SH3KBP1: variants seen among roughly 807,000 people sequenced by gnomAD.
The protein encoded by SH3KBP1 is SH3 domain containing kinase binding protein 1.
A neutral mutation model predicts 50.1 loss-of-function variants in SH3KBP1; 8 were observed. That is an observed-to-expected ratio of 0.16 (90% CI 0.09 to 0.29). SH3KBP1 has a LOEUF of 0.29. SH3KBP1 is among the 10% of genes least tolerant of loss of function. The probability of loss-of-function intolerance (pLI) is 1.00; values close to 1 mark genes in which losing one functional copy is unlikely to be tolerated. For missense variants in SH3KBP1, 377 were observed against 535.2 expected (o/e 0.70, Z 2.92); for synonymous variants, 227 against 218.6 (o/e 1.04, Z -0.34).
chrX:19,559,026 G>A (rs1196323416), intron 13 of SH3KBP1, among the ~76,000 whole-genome samples: 1 of 109,506 alleles, frequency 9.1e-6, no homozygotes, highest in Non-Finnish European at 1.9e-5. Flanking sequence ...CCAGCACATT[G>A]GGAGGTCGAG....
At position 19,631,829 on chromosome X, in the gene SH3KBP1, C is replaced by G. The variant is rs751601175; in HGVS notation, c.897+35G>C. 3.1e-5 allele frequency: 30 copies of G among 970,969 alleles called. 1 individual carries two copies. In the South Asian group the frequency reaches 5.8e-4, roughly 19 times the overall value. 80.0% of individuals were successfully genotyped at this position (970,969 alleles called of 1,213,427 possible). A position where few individuals can be genotyped will look rare whatever the true frequency, so the allele number is the denominator to read the frequency against. Reference sequence around the variant, plus strand: ...GTCCAGTCAACACCCCAAAGCAGTTCGCGATTTAGAAGGTAGGAGACAACC... The same window carrying G: ...GTCCAGTCAACACCCCAAAGCAGTTGGCGATTTAGAAGGTAGGAGACAACC... On this transcript the variant is annotated intron_variant, in intron 8 of 17. Coordinates refer to ENST00000397821, the MANE Select transcript of SH3KBP1 (RefSeq NM_031892.3).
At chrX:19,630,112 G>A (rs1164663832) in intron 8 of SH3KBP1, among the ~76,000 whole-genome samples, 2 of 112,292 alleles carry the variant, frequency 1.8e-5, no homozygotes, top group Admixed American at 1.9e-4. Flanking sequence ...AATAGAAACA[G>A]ATGTGTGTCT....
intron 6 of SH3KBP1, among the ~76,000 whole-genome samples, chrX:19,659,043 C>A (rs1569393951): frequency 9.3e-6 from 1 of 107,917 alleles, no homozygotes; most frequent in Admixed American, 1.0e-4. Context: ...GCAGCCTTGA[C>A]CTCCTGGGCT....
At position 19,640,488 on chromosome X, in the gene SH3KBP1, CT is replaced by C. The variant is rs752769114; in HGVS notation, c.802+4911del. Among the ~76,000 whole-genome samples, 671 of 100,250 alleles carry C rather than the reference CT, an allele frequency of 6.7e-3. 1 individual carries two copies. Among genetic ancestry groups the C allele is most frequent in the East Asian group, 0.011 (37 of 3,247 alleles). 87.1% of individuals were successfully genotyped at this position (100,250 alleles called of 115,157 possible). On this transcript the variant is annotated intron_variant, in intron 7 of 17. Coordinates refer to ENST00000397821, the MANE Select transcript of SH3KBP1 (RefSeq NM_031892.3). ...CACCCCTTCTCAAAATCTGCAACGA[CT>C]TTTTTTTTTTTTTTAATTTTGCTTT...
intron 12 of SH3KBP1, among the ~76,000 whole-genome samples, chrX:19,575,696 T>C (rs1211169148): frequency 1.8e-5 from 2 of 112,409 alleles, no homozygotes; most frequent in African/African-American, 3.2e-5. Flanking sequence ...AGCTGGTGTT[T>C]TGACAGTGTT....
At chrX:19,723,875 G>A (rs958585069) in intron 3 of SH3KBP1, among the ~76,000 whole-genome samples, 1 of 111,089 alleles carries the variant, frequency 9.0e-6, no homozygotes, top group Non-Finnish European at 1.9e-5. Context: ...TCCCCTCTTG[G>A]TGGGGTGGGG....
At chrX:19,864,383 GGAAT>G (rs1410938504) in intron 1 of SH3KBP1, among the ~76,000 whole-genome samples, 1 of 111,601 alleles carries the variant, frequency 9.0e-6, no homozygotes, top group Non-Finnish European at 1.9e-5. Flanking sequence ...AGTTGCAGAT[GGAAT>G]TAAGGTTGCT....
chrX:19,672,004 G>A (rs2062809375), intron 6 of SH3KBP1, among the ~76,000 whole-genome samples: 1 of 111,852 alleles, frequency 8.9e-6, no homozygotes. Flanking sequence ...TTAACTGCCT[G>A]CACTGTATCT....
At chrX:19,866,379 T>C (rs1484282567) in intron 1 of SH3KBP1, among the ~76,000 whole-genome samples, 1 of 111,608 alleles carries the variant, frequency 9.0e-6, no homozygotes, top group Admixed American at 9.5e-5. Flanking sequence ...ATCATATAAA[T>C]GGGTCTTTTC....
At chrX:19,799,117 C>T (rs2066816009) in intron 2 of SH3KBP1, among the ~76,000 whole-genome samples, 1 of 109,607 alleles carries the variant, frequency 9.1e-6, no homozygotes, top group East Asian at 2.9e-4. Context: ...TATTTCTTCA[C>T]ACTACAGGAA....
At chrX:19,657,980 G>A (rs5955832) in intron 6 of SH3KBP1, among the ~76,000 whole-genome samples, 3,796 of 110,467 alleles carry the variant, frequency 0.034, 152 homozygotes, top group African/African-American at 0.11. Context: ...AAGTTCTGGA[G>A]ATGGATGGTG....
intron 15 of SH3KBP1, among the ~76,000 whole-genome samples, chrX:19,543,227 G>A (rs985068310): frequency 1.2e-4 from 13 of 111,803 alleles, no homozygotes; most frequent in African/African-American, 2.9e-4. Flanking sequence ...TGCAGAGGGT[G>A]GAGGAGGAAG....
At chrX:19,704,523 T>C (rs771159818) in intron 4 of SH3KBP1, among the ~76,000 whole-genome samples, 6 of 112,895 alleles carry the variant, frequency 5.3e-5, no homozygotes, top group South Asian at 7.3e-4. Flanking sequence ...CACAAGCATA[T>C]AGATATATTT....
intron 3 of SH3KBP1, among the ~76,000 whole-genome samples, chrX:19,744,575 T>C (rs979443943): frequency 8.9e-6 from 1 of 112,101 alleles, no homozygotes; most frequent in Non-Finnish European, 1.9e-5. Flanking sequence ...AATGCCTCCA[T>C]GTACTCAGGT....
In SH3KBP1 at chrX:19,608,340, A is replaced by T. The variant is rs1426038643; in HGVS notation, c.898-295T>A. Among the ~76,000 whole-genome samples the T allele has an allele frequency of 4.7e-5, 4 of 85,363 alleles. No individual in the cohort carries two copies. In the East Asian group the frequency reaches 1.4e-3, roughly 29 times the overall value. The allele number at this position is 85,363 out of a possible 115,157, so 74.1% of individuals were successfully genotyped here. A position where few individuals can be genotyped will look rare whatever the true frequency, so the allele number is the denominator to read the frequency against. On this transcript the variant is annotated intron_variant, in intron 8 of 17. Transcript: ENST00000397821. Reference sequence around the variant, plus strand: ...TTTTTTTTTTTTGAGACAGGGTCTCACTCTGTCGCCCAGGCTGGAGTGCAG... The same window carrying T: ...TTTTTTTTTTTTGAGACAGGGTCTCTCTCTGTCGCCCAGGCTGGAGTGCAG...
At chrX:19,692,669 G>A (rs370614415) in intron 5 of SH3KBP1, among the ~76,000 whole-genome samples, 13,257 of 75,762 alleles carry the variant, frequency 0.17, 1,232 homozygotes, top group African/African-American at 0.33. Flanking sequence ...GTGTGTGTGT[G>A]TATGTATATA....
intron 2 of SH3KBP1, among the ~76,000 whole-genome samples, chrX:19,824,127 A>T (rs2067605997): frequency 8.9e-6 from 1 of 112,105 alleles, no homozygotes; most frequent in Non-Finnish European, 1.9e-5. Context: ...GCCAGAATGT[A>T]TTAATTCTAA....
chrX:19,659,109 A>ATT (rs147804094), intron 6 of SH3KBP1, among the ~76,000 whole-genome samples: 1,173 of 57,315 alleles, frequency 0.02, 47 homozygotes, highest in African/African-American at 0.063. Flanking sequence ...TGCCCAGCTA[A>ATT]TTTTTTTTTT....
At chrX:19,571,192 G>A (rs2065996262) in intron 12 of SH3KBP1, among the ~76,000 whole-genome samples, 2 of 112,394 alleles carry the variant, frequency 1.8e-5, no homozygotes, top group African/African-American at 3.2e-5. Context: ...TGTCCTGGGA[G>A]TGTGTGCTAT....
Sources: gnomAD v4.1 joint callset for allele counts (sites outside exome capture counted in the v4.1 genomes callset) on GRCh38, gnomAD v4.1.1 for gene constraint, MANE v1.5 for transcripts, NCBI Gene and HGNC (gene_info 2026-07-23, HGNC 2026-07-21) for gene names.